PLEKHA2: variants seen among roughly 807,000 people sequenced by gnomAD.
PLEKHA2 encodes the protein pleckstrin homology domain containing A2, also known as pleckstrin homology domain-containing family A member 2.
A neutral mutation model predicts 53.2 loss-of-function variants in PLEKHA2; 28 were observed. The ratio of observed to expected loss-of-function variants is 0.53; its 90% CI spans 0.39 to 0.72. PLEKHA2 has a LOEUF of 0.72. Ranked by LOEUF, PLEKHA2 falls within the 30% of genes least tolerant of loss-of-function variation. The pLI is 0.00. For missense variants in PLEKHA2, 426 were observed against 537.9 expected (o/e 0.79, Z 2.06); for synonymous variants, 193 against 196.4 (o/e 0.98, Z 0.14).
At chr8:38,907,499 T>C (rs1366705808) in intron 1 of PLEKHA2, among the ~76,000 whole-genome samples, 1 of 152,196 alleles carries the variant, frequency 6.6e-6, no homozygotes, top group East Asian at 1.9e-4. Context: ...TCTATCTGGC[T>C]GGGCACAGTG....
intron 1 of PLEKHA2, among the ~76,000 whole-genome samples, chr8:38,916,271 C>G (rs1238547280): frequency 2.6e-5 from 4 of 152,210 alleles, no homozygotes; most frequent in Non-Finnish European, 5.9e-5. Flanking sequence ...GCCACCATGC[C>G]TGGCCTCTTT....
chr8:38,940,498 C>T (rs1834585612), intron 3 of PLEKHA2, among the ~76,000 whole-genome samples: 1 of 152,022 alleles, frequency 6.6e-6, no homozygotes, highest in African/African-American at 2.4e-5. Flanking sequence ...CAGGATTATG[C>T]AGAGATCAGG....
chr8:38,952,235 A>G lies in PLEKHA2; in HGVS notation c.556A>G (p.Ile186Val), dbSNP rs777551009. 8 of 1,612,902 alleles carry G rather than the reference A, an allele frequency of 5.0e-6. No homozygotes were observed. Among genetic ancestry groups the G allele is most frequent in the African/African-American group, 1.3e-5 (1 of 74,928 alleles). ...HTILRRSQSYIPTSGCRASTG... is the reference protein window; with the variant it reads ...HTILRRSQSYVPTSGCRASTG... Reference sequence around the variant, plus strand: ...CATCCTTCGAAGGTCTCAGAGTTACATCCCCACGTCAGGCTGCCGTGCTTC... The same window carrying G: ...CATCCTTCGAAGGTCTCAGAGTTACGTCCCCACGTCAGGCTGCCGTGCTTC... The change falls in exon 7 of 12, where the codon ATC becomes GTC. Residue 186 changes from isoleucine (I) to valine (V), a missense_variant. Physicochemically the swap from Ile to Val is conservative, Grantham distance 29 (BLOSUM62 3). Coordinates refer to ENST00000617275, the MANE Select transcript of PLEKHA2 (RefSeq NM_021623.2).
At chr8:38,928,141 G>A (rs1834320102) in intron 2 of PLEKHA2, among the ~76,000 whole-genome samples, 1 of 151,126 alleles carries the variant, frequency 6.6e-6, no homozygotes, top group Admixed American at 6.6e-5. Flanking sequence ...GGCTTATTGA[G>A]TTTACAGCTT....
In PLEKHA2 at chr8:38,954,965, C is replaced by T. The variant is rs183168533; in HGVS notation, c.773+1598C>T. ...AGGAGAATCGCTTGAACCCGGGAGGCGGAGGTTGCAGTGAGCCAAGATCGT... is the reference window on the plus strand; with the variant it reads ...AGGAGAATCGCTTGAACCCGGGAGGTGGAGGTTGCAGTGAGCCAAGATCGT... On this transcript the variant is annotated intron_variant, in intron 9 of 11. Transcript: ENST00000617275. Among the ~76,000 whole-genome samples, 1,192 of 152,204 alleles carry T rather than the reference C, an allele frequency of 7.8e-3. 7 individuals carry two copies. Among genetic ancestry groups the T allele is most frequent in the Non-Finnish European group, 0.011 (748 of 68,010 alleles).
At chr8:38,951,344 A>G (rs989965161) in intron 6 of PLEKHA2, among the ~76,000 whole-genome samples, 3 of 152,012 alleles carry the variant, frequency 2.0e-5, no homozygotes, top group African/African-American at 7.2e-5. Context: ...CACATTCCCT[A>G]TCCTTCCCTT....
In PLEKHA2 at chr8:38,970,655, C is replaced by T. The variant is rs563447471; in HGVS notation, c.*872C>T. 1.3e-5 allele frequency: 2 copies of T among 159,826 alleles called. No homozygotes were observed. Among genetic ancestry groups the T allele is most frequent in the African/African-American group, 2.4e-5 (1 of 41,472 alleles). 9.9% of individuals were successfully genotyped at this position (159,826 alleles called of 1,614,324 possible). Reference sequence around the variant, plus strand: ...CTACTAAAAAATATGCAAAATTAGCCGGGCGTGGTGGTGCAGGCCTGTAAT... The same window carrying T: ...CTACTAAAAAATATGCAAAATTAGCTGGGCGTGGTGGTGCAGGCCTGTAAT... On this transcript the variant is annotated 3_prime_UTR_variant, in exon 12 of 12. Coordinates refer to ENST00000617275, the MANE Select transcript of PLEKHA2 (RefSeq NM_021623.2).
intron 10 of PLEKHA2, among the ~76,000 whole-genome samples, chr8:38,959,487 C>A (rs964600772): frequency 6.6e-6 from 1 of 152,142 alleles, no homozygotes; most frequent in Non-Finnish European, 1.5e-5. Flanking sequence ...ACCACTTGGG[C>A]AAGTTATTTA....
chr8:38,923,852 GTATT>G (rs751448165), intron 2 of PLEKHA2, among the ~76,000 whole-genome samples: 1 of 152,018 alleles, frequency 6.6e-6, no homozygotes, highest in African/African-American at 2.4e-5. Flanking sequence ...TTTAAAATTT[GTATT>G]TATTTATTTT....
At chr8:38,911,845 G>A (rs906154868) in intron 1 of PLEKHA2, among the ~76,000 whole-genome samples, 4 of 152,146 alleles carry the variant, frequency 2.6e-5, no homozygotes, top group African/African-American at 9.7e-5. Flanking sequence ...CCATGGTGGT[G>A]TGCACCTGTA....
At chr8:38,951,271 C>T (rs1380100489) in intron 6 of PLEKHA2, among the ~76,000 whole-genome samples, 1 of 152,064 alleles carries the variant, frequency 6.6e-6, no homozygotes, top group African/African-American at 2.4e-5. Context: ...TTTGTGAAAC[C>T]ATAGGAAATG....
At chr8:38,950,530 A>AGGGG (rs1161294101) in intron 5 of PLEKHA2, 245 of 224,614 alleles carry the variant, frequency 1.1e-3, no homozygotes, top group Non-Finnish European at 1.8e-3. Flanking sequence ...TCCCCCTACT[A>AGGGG]GCATGTAAGT....
intron 2 of PLEKHA2, among the ~76,000 whole-genome samples, chr8:38,921,164 C>T (rs1447382506): frequency 6.6e-6 from 1 of 152,218 alleles, no homozygotes; most frequent in African/African-American, 2.4e-5. Context: ...TGCCAGTAGA[C>T]TTGGCTTTGG....
At chr8:38,925,522 G>C (rs958677471) in intron 2 of PLEKHA2, among the ~76,000 whole-genome samples, 1 of 152,172 alleles carries the variant, frequency 6.6e-6, no homozygotes, top group African/African-American at 2.4e-5. Flanking sequence ...CAAAAAATAC[G>C]TAGTTGCTTT....
In PLEKHA2 at chr8:38,922,982, A is replaced by G. The variant is rs1193202042; in HGVS notation, c.141+4912A>G. ...CAGCCCGTGCAAGGTCTTGTAGATG[A>G]TGTGGAAAATGAATTCGGTGAGGCC... is the stretch of plus-strand genomic sequence containing the variant. On this transcript the variant is annotated intron_variant, in intron 2 of 11. Coordinates refer to ENST00000617275, the MANE Select transcript of PLEKHA2 (RefSeq NM_021623.2). This position sits in a 1 kb window ranked among gnomAD's most constrained non-coding sequence, Gnocchi z 4.0. Among the ~76,000 whole-genome samples the G allele has an allele frequency of 6.6e-6, 1 of 152,182 alleles. No homozygotes were observed.
At chr8:38,925,299 C>G (rs751530356) in intron 2 of PLEKHA2, among the ~76,000 whole-genome samples, 5 of 152,196 alleles carry the variant, frequency 3.3e-5, no homozygotes, top group Non-Finnish European at 5.9e-5. Flanking sequence ...TAGGGCCGCC[C>G]TACTCTAGTA....
At chr8:38,916,894 G>A (rs1415566752) in intron 1 of PLEKHA2, among the ~76,000 whole-genome samples, 4 of 152,126 alleles carry the variant, frequency 2.6e-5, no homozygotes, top group African/African-American at 4.8e-5. Flanking sequence ...CACCAATACC[G>A]TACAAGGGTT....
chr8:38,937,572 G>T (rs1339058074), intron 3 of PLEKHA2, among the ~76,000 whole-genome samples: 2 of 152,320 alleles, frequency 1.3e-5, no homozygotes, highest in East Asian at 3.9e-4. Flanking sequence ...ATGCAGCTCA[G>T]ATGAGGGTTT....
chr8:38,932,249 G>A (rs1461610406), intron 2 of PLEKHA2, among the ~76,000 whole-genome samples: 1 of 152,202 alleles, frequency 6.6e-6, no homozygotes, highest in African/African-American at 2.4e-5. Flanking sequence ...TCCCACCTCA[G>A]CCTCCCCAGG....
Sources: gnomAD v4.1 joint callset for allele counts (sites outside exome capture counted in the v4.1 genomes callset) on GRCh38, gnomAD v4.1.1 for gene constraint, Gnocchi (gnomAD v3.1) non-coding constraint, MANE v1.5 for transcripts, NCBI Gene and HGNC (gene_info 2026-07-23, HGNC 2026-07-21) for gene names.